The following TECPR1 variants were observed in gnomAD, a reference collection of about 807,000 sequenced individuals.
TECPR1 encodes the protein tectonin beta-propeller repeat-containing protein 1.
Under a neutral mutation model 162.4 loss-of-function variants are expected in TECPR1, and 122 were observed. The observed-to-expected ratio is 0.75, with a 90% CI of 0.65 to 0.87. The LOEUF (loss-of-function observed/expected upper bound fraction) is 0.87, where lower values mean the gene tolerates loss of function less well. Among genes scored for constraint, TECPR1 ranks in the 40% least tolerant of loss-of-function variants. The probability of loss-of-function intolerance (pLI) is 0.00; values close to 1 mark genes in which losing one functional copy is unlikely to be tolerated. For synonymous variants in TECPR1, 642 were observed against 670.6 expected (o/e 0.96, Z 0.66); for missense variants, 1,432 against 1,618.2 (o/e 0.88, Z 1.97).
chr7:98,233,246 G>A, intron 11 of TECPR1, 175 bp downstream of exon 11: 2 of 964,786 alleles, frequency 2.1e-6, no homozygotes, highest in Non-Finnish European at 2.9e-6. Flanking sequence ...CCTCGGGCTG[G>A]TCTCTGGAGG....
intron 10 of TECPR1, among the ~76,000 whole-genome samples, chr7:98,234,648 T>G (rs1347239229): frequency 6.6e-6 from 1 of 151,180 alleles, no homozygotes; most frequent in Non-Finnish European, 1.5e-5. Flanking sequence ...TTCACATTCC[T>G]ACCAGCAGTG....
At chr7:98,228,859 T>A in intron 16 of TECPR1, 180 bp downstream of exon 16, 1 of 801,552 alleles carries the variant, frequency 1.2e-6, no homozygotes, top group Non-Finnish European at 1.9e-6. Flanking sequence ...CAGCTCGAAG[T>A]GGGTACTGGC....
chr7:98,223,111 T>A lies in TECPR1; in HGVS notation c.2807A>T (p.Asp936Val). 6.2e-7 allele frequency: 1 copy of A among 1,604,292 alleles called. No individual in the cohort carries two copies. Among genetic ancestry groups the A allele is most frequent in the Non-Finnish European group, 8.5e-7 (1 of 1,176,060 alleles). ...CGGGCTCTCCGGGATGATGGACACG[T>A]CCCTGAGGGCGATGGGGGGCACCTC... Reference protein sequence around the residue: ...WLEVPPIALRDVSIIPESPGA... With the variant: ...WLEVPPIALRVVSIIPESPGA... The change falls in exon 21 of 26, where the codon GAC becomes GTC. Residue 936 changes from aspartate (D) to valine (V), a missense_variant. Coordinates refer to ENST00000447648, the MANE Select transcript of TECPR1 (RefSeq NM_015395.3).
rs943107296 is a variant in TECPR1 at position 98,215,162 on chromosome 7, GCCATCCCCCGGGGCTGTGGACGCAC to G, written c.*2203_*2227del. On this transcript the variant is annotated 3_prime_UTR_variant, in exon 26 of 26. Coordinates refer to ENST00000447648, the MANE Select transcript of TECPR1 (RefSeq NM_015395.3). ...ATGCCGTTCCTGGGCTACGCCACGC[GCCATCCCCCGGGGCTGTGGACGCAC>G]CCAGCCCCCGACAGACAGGCGCCCT... 3.6e-4 allele frequency: 55 copies of G among 152,332 alleles called. No individual in the cohort carries two copies. Among genetic ancestry groups the G allele is most frequent in the African/African-American group, 1.2e-3 (48 of 41,576 alleles). The allele number at this position is 152,332 out of a possible 1,614,324, so 9.4% of individuals were successfully genotyped here. A position where few individuals can be genotyped will look rare whatever the true frequency, so the allele number is the denominator to read the frequency against.
At position 98,231,660 on chromosome 7, in the gene TECPR1, T is replaced by C. The variant is rs1584337102; in HGVS notation, c.1974+144A>G. 45 of 429,240 alleles carry C rather than the reference T, an allele frequency of 1.0e-4. 1 individual carries two copies. In the South Asian group the frequency reaches 1.2e-3, roughly 11 times the overall value. 26.6% of individuals were successfully genotyped at this position (429,240 alleles called of 1,614,324 possible). On this transcript the variant is annotated intron_variant, in intron 13 of 25. Coordinates refer to ENST00000447648, the MANE Select transcript of TECPR1 (RefSeq NM_015395.3). The stretch of plus-strand genomic sequence containing the variant: ...CACCCCCATTTCTGTACCCCTCCCC[T>C]GGGTACCCTCATTTCTGTGTCCCTC...
rs558930079 is a variant in TECPR1 at position 98,237,748 on chromosome 7, C to T, written c.1035+761G>A. Among the ~76,000 whole-genome samples, 13 of 151,470 alleles carry T rather than the reference C, an allele frequency of 8.6e-5. No homozygotes were observed. The East Asian group carries it at 1.4e-3, about 16-fold the overall frequency. The stretch of plus-strand genomic sequence containing the variant: ...CCTCCCAAAGTGCTGGGATTACAGG[C>T]GTGAGCCACTGTGCCCGGAATGTTT... On this transcript the variant is annotated intron_variant, in intron 9 of 25. Transcript: ENST00000447648.
intron 22 of TECPR1, among the ~76,000 whole-genome samples, chr7:98,222,155 A>T (rs1798157894): frequency 6.6e-6 from 1 of 151,734 alleles, no homozygotes; most frequent in Non-Finnish European, 1.5e-5. Context: ...TGTGGAGTGG[A>T]CCCTGCAGGG....
chr7:98,233,180 G>T, intron 11 of TECPR1: 1 of 782,546 alleles, frequency 1.3e-6, no homozygotes, highest in Non-Finnish European at 1.9e-6. Flanking sequence ...TAGCACAGGG[G>T]AGGGGCTGCA....
Position 98,241,256 on chromosome 7 carries a change from G to A in TECPR1, c.658-12C>T, listed in dbSNP as rs886118763. The A allele has an allele frequency of 6.2e-7, 1 of 1,612,146 alleles. No individual in the cohort carries two copies. The highest frequency in any genetic ancestry group is 1.3e-5 in the African/African-American group (1 of 75,006). ...TCTCTGTACCACACCTGGGAGGCAA[G>A]ACAGGGACACAGCACCTGCATCAAC... On this transcript the variant is annotated splice_polypyrimidine_tract_variant and intron_variant, in intron 6 of 25. Coordinates refer to ENST00000447648, the MANE Select transcript of TECPR1 (RefSeq NM_015395.3). The surrounding 1 kb of genome is among the most constrained non-coding windows in gnomAD (Gnocchi z 5.0).
At chr7:98,233,046 C>A in intron 11 of TECPR1, 74 bp from the exon 12 acceptor site, 1 of 1,493,872 alleles carries the variant, frequency 6.7e-7, no homozygotes. Context: ...CGGCGCTCCC[C>A]TCCACCAAAT....
intron 2 of TECPR1, among the ~76,000 whole-genome samples, chr7:98,248,337 C>G (rs1798966407): frequency 1.3e-5 from 2 of 151,840 alleles, no homozygotes; most frequent in Admixed American, 1.3e-4. Context: ...AGGAAAGAGC[C>G]TACAGATGAA....
intron 8 of TECPR1, among the ~76,000 whole-genome samples, chr7:98,239,097 A>C (rs951455638): frequency 6.6e-6 from 1 of 152,180 alleles, no homozygotes; most frequent in African/African-American, 2.4e-5. Flanking sequence ...ACACACTCCC[A>C]CTAGATTTTC....
chr7:98,247,078 C>T (rs767520202), intron 2 of TECPR1, among the ~76,000 whole-genome samples: 56 of 151,636 alleles, frequency 3.7e-4, no homozygotes, highest in Admixed American at 1.8e-3. Context: ...ATGGAGGTTG[C>T]AGTGAGCAGA....
intron 22 of TECPR1, 76 bp from the exon 23 acceptor site, chr7:98,221,829 C>T (rs1798150219): frequency 8.6e-7 from 1 of 1,161,150 alleles, no homozygotes; most frequent in South Asian, 1.3e-5. Context: ...GGGCCTCGGT[C>T]CCCAGCTGCC....
Position 98,232,503 on chromosome 7 carries a change from G to A in TECPR1, c.1818+324C>T, listed in dbSNP as rs1396222576. On this transcript the variant is annotated intron_variant, in intron 12 of 25. Transcript: ENST00000447648. This position sits in a 1 kb window ranked among gnomAD's most constrained non-coding sequence, Gnocchi z 4.6. The stretch of plus-strand genomic sequence containing the variant: ...GCAATCACACGCTACACCCCTGGGC[G>A]CCCGGGGTTCCCTCCAGCAGGAAGA... 2.6e-5 allele frequency among the ~76,000 whole-genome samples: 4 copies of A among 151,850 alleles called. No individual in the cohort carries two copies. The highest frequency in any genetic ancestry group is 2.1e-4 in the South Asian group (1 of 4,810).
At chr7:98,231,748 G>T in intron 13 of TECPR1, 56 bp downstream of exon 13, 1 of 1,564,084 alleles carries the variant, frequency 6.4e-7, no homozygotes. Context: ...CCCTCCTCTA[G>T]CACCCCAGCC....
chr7:98,231,066 G>A lies in TECPR1; in HGVS notation c.2177C>T (p.Pro726Leu), dbSNP rs201080344. The change falls in exon 15 of 26, where the codon CCG becomes CTG. Residue 726 changes from proline (P) to leucine (L), a missense_variant. Pro to Leu is a moderately conservative substitution (Grantham distance 98). Transcript: ENST00000447648. ...CCESRKVQGR[P>L]SPQAIWSITC... is the part of the protein sequence containing the mutation. ...GATGGACCAGATGGCCTGCGGGGAC[G>A]GGCGGCCCTGCACCTTCCGGCTCTC... The A allele has an allele frequency of 5.4e-5, 87 of 1,609,288 alleles. No individual in the cohort carries two copies. Among genetic ancestry groups the A allele is most frequent in the Admixed American group, 1.5e-4 (9 of 59,404 alleles).
chr7:98,249,915 C>T (rs1273667296), intron 2 of TECPR1, among the ~76,000 whole-genome samples: 1 of 150,108 alleles, frequency 6.7e-6, no homozygotes, highest in Non-Finnish European at 1.5e-5. Flanking sequence ...AAGACTCCAT[C>T]TCAAAAAAAA....
rs532004244 is a variant in TECPR1, at chr7:98,237,684, G to T, written c.1036-763C>A. Among the ~76,000 whole-genome samples, 7 of 152,264 alleles carry T rather than the reference G, an allele frequency of 4.6e-5. No individual in the cohort carries two copies. In the East Asian group the frequency reaches 1.4e-3, roughly 29 times the overall value. ...AGGTTTCACTGTGTTGGCCAGGCTG[G>T]TCTCAAACTCCTGACCTCAGGCGAT... is the stretch of plus-strand genomic sequence containing the variant. On this transcript the variant is annotated intron_variant, in intron 9 of 25. Coordinates refer to ENST00000447648, the MANE Select transcript of TECPR1 (RefSeq NM_015395.3).
Sources: gnomAD v4.1 joint callset for allele counts (sites outside exome capture counted in the v4.1 genomes callset) on GRCh38, gnomAD v4.1.1 for gene constraint, Gnocchi (gnomAD v3.1) non-coding constraint, MANE v1.5 for transcripts, NCBI Gene and HGNC (gene_info 2026-07-23, HGNC 2026-07-21) for gene names.